The following TRPM3 variants were observed in gnomAD, a reference collection of about 807,000 sequenced individuals.
TRPM3 encodes the protein transient receptor potential cation channel subfamily M member 3.
A neutral mutation model predicts 181.2 loss-of-function variants in TRPM3; 77 were observed. The observed-to-expected ratio is 0.42, with a 90% CI of 0.35 to 0.51. The LOEUF (loss-of-function observed/expected upper bound fraction) is 0.51, where lower values mean the gene tolerates loss of function less well. Ranked by LOEUF, TRPM3 falls within the 20% of genes least tolerant of loss-of-function variation. TRPM3 has a pLI of 0.01. For synonymous variants in TRPM3, 745 were observed against 796.4 expected (o/e 0.94, Z 1.09); for missense variants, 1,759 against 2,196.7 (o/e 0.80, Z 3.98).
chr9:70,631,115 C>T (rs898757490), intron 12 of TRPM3, among the ~76,000 whole-genome samples: 2 of 152,132 alleles, frequency 1.3e-5, no homozygotes, highest in African/African-American at 2.4e-5. Flanking sequence ...AAAAGACTCC[C>T]CTGGGACAGC....
chr9:71,010,330 A>G (rs1244685831), intron 1 of TRPM3, among the ~76,000 whole-genome samples: 1 of 152,160 alleles, frequency 6.6e-6, no homozygotes, highest in African/African-American at 2.4e-5. Flanking sequence ...CAAACCATGC[A>G]TCGGACAAGG....
At chr9:70,674,307 C>T (rs1333356803) in intron 9 of TRPM3, among the ~76,000 whole-genome samples, 2 of 152,140 alleles carry the variant, frequency 1.3e-5, no homozygotes, top group African/African-American at 2.4e-5. Context: ...AATTATTGGA[C>T]ATAAACTACT....
At chr9:71,277,715 C>T (rs966218696) in intron 1 of TRPM3, among the ~76,000 whole-genome samples, 1 of 152,174 alleles carries the variant, frequency 6.6e-6, no homozygotes, top group Non-Finnish European at 1.5e-5. Context: ...TAATTTGACT[C>T]TTCTCATGGC....
At chr9:70,756,154 AAAAC>A (rs772119667) in intron 8 of TRPM3, among the ~76,000 whole-genome samples, 1 of 152,232 alleles carries the variant, frequency 6.6e-6, no homozygotes, top group East Asian at 1.9e-4. Context: ...AAACAAAACA[AAAAC>A]AAACAAAAAA....
Position 70,672,380 on chromosome 9 carries a change from T to G in TRPM3, c.1345+9126A>C, listed in dbSNP as rs55950373. On this transcript the variant is annotated intron_variant, in intron 9 of 25. Transcript: ENST00000677713. ...TCTGGTACTGCTCATGATCACTCTG[T>G]CTAACCTATGTACAGATTAGTGTCC... Among the ~76,000 whole-genome samples, 228 of 152,318 alleles carry G rather than the reference T, an allele frequency of 1.5e-3. 1 individual carries two copies. The highest frequency in any genetic ancestry group is 5.1e-3 in the African/African-American group (214 of 41,574).
At chr9:70,701,168 G>A (rs967953972) in intron 8 of TRPM3, among the ~76,000 whole-genome samples, 6 of 152,132 alleles carry the variant, frequency 3.9e-5, no homozygotes, top group Non-Finnish European at 7.4e-5. Flanking sequence ...GGATGAAAAC[G>A]TTTCTAAAAA....
At chr9:70,574,950 A>G (rs1347890870) in intron 22 of TRPM3, among the ~76,000 whole-genome samples, 1 of 146,998 alleles carries the variant, frequency 6.8e-6, no homozygotes, top group African/African-American at 2.5e-5. Context: ...TTTTTTTTAA[A>G]TTTTTTTTCC....
At position 71,371,623 on chromosome 9, in the gene TRPM3, T is replaced by C. The variant is rs1235582824; in HGVS notation, c.183+75030A>G. On this transcript the variant is annotated intron_variant, in intron 1 of 24. Coordinates refer to the TRPM3 transcript ENST00000357533. ...AGTGATTTCTTGAGATGGAATCTAC[T>C]CCTGGTGAAGATGCTTCACCAGGTG... Among the ~76,000 whole-genome samples, 4 of 152,184 alleles carry C rather than the reference T, an allele frequency of 2.6e-5. No individual in the cohort carries two copies. In the East Asian group the frequency reaches 7.7e-4, roughly 29 times the overall value.
Position 71,343,935 on chromosome 9 carries a change from T to C in TRPM3, c.183+102718A>G, listed in dbSNP as rs145468728. ...ATCATGAAGGGGCACCTACTGGCCA[T>C]ATCTGGGACAATTTGAGTATCAAAA... On this transcript the variant is annotated intron_variant, in intron 1 of 24. Coordinates refer to the TRPM3 transcript ENST00000357533. 4.6e-4 allele frequency among the ~76,000 whole-genome samples: 70 copies of C among 152,254 alleles called. 1 individual carries two copies. In the East Asian group the frequency reaches 9.6e-3, roughly 21 times the overall value.
intron 7 of TRPM3, among the ~76,000 whole-genome samples, chr9:70,769,394 T>C (rs2079772305): frequency 6.6e-6 from 1 of 152,102 alleles, no homozygotes; most frequent in Non-Finnish European, 1.5e-5. Context: ...AAACTTCACC[T>C]CCTTTTTCTT....
At chr9:70,675,919 T>C (rs2063904545) in intron 9 of TRPM3, among the ~76,000 whole-genome samples, 1 of 152,216 alleles carries the variant, frequency 6.6e-6, no homozygotes, top group Admixed American at 6.5e-5. Context: ...TATTTATCTC[T>C]TAACATTTTT....
At chr9:71,428,949 A>G (rs1429162682) in intron 1 of TRPM3, among the ~76,000 whole-genome samples, 3 of 8,720 alleles carry the variant, frequency 3.4e-4, no homozygotes, top group East Asian at 5.3e-3. Flanking sequence ...GTTTCAAAGG[A>G]AAAAAAAAAA....
chr9:71,309,392 C>T (rs928823482), intron 1 of TRPM3, among the ~76,000 whole-genome samples: 2 of 152,094 alleles, frequency 1.3e-5, no homozygotes, highest in African/African-American at 4.8e-5. Context: ...GATACCAATT[C>T]AATAGCTTGA....
At chr9:70,988,706 C>T (rs902650318) in intron 1 of TRPM3, among the ~76,000 whole-genome samples, 3 of 152,102 alleles carry the variant, frequency 2.0e-5, no homozygotes, top group Admixed American at 6.6e-5. Flanking sequence ...ACATGAGCCC[C>T]GTAAAAGTAG....
At position 70,537,119 on chromosome 9, in the gene TRPM3, C is replaced by T; in HGVS notation, c.3994G>A (p.Glu1332Lys). The change falls in exon 26 of 26, where the codon GAG becomes AAG. Residue 1332 changes from glutamate to lysine, a missense_variant. Transcript: ENST00000677713. ...KLQESIDPAG[E>K]ETMSPTSPTL... ...GGAGAAGTTGGGGACATGGTCTCCT[C>T]ACCTGCAGGGTCTATACTCTCTTGG... is the stretch of plus-strand genomic sequence containing the variant. 6.2e-7 allele frequency: 1 copy of T among 1,608,114 alleles called. No homozygotes were observed. Among genetic ancestry groups the T allele is most frequent in the Non-Finnish European group, 8.5e-7 (1 of 1,175,064 alleles).
chr9:70,784,128 C>T lies in TRPM3; in HGVS notation c.1125G>A (p.Gly375=). 1.9e-6 allele frequency: 3 copies of T among 1,613,484 alleles called. No individual in the cohort carries two copies. The highest frequency in any genetic ancestry group is 2.5e-6 in the Non-Finnish European group (3 of 1,179,702). ...ACCCGCCTTCTTCTGAGTATTTATG[C>T]CCAAAGGCCAGGATGTCCGATGCCC... The part of the protein sequence containing the change: ...SGRASDILAF[G]HKYSEEGGLI... Residue 375 remains glycine (G), a synonymous_variant, in exon 7 of 26, where the codon GGG becomes GGA. Coordinates refer to ENST00000677713, the MANE Select transcript of TRPM3 (RefSeq NM_001366145.2).
chr9:70,629,166 TTA>T (rs1589519576), intron 12 of TRPM3, among the ~76,000 whole-genome samples: 1 of 127,006 alleles, frequency 7.9e-6, no homozygotes, highest in East Asian at 2.4e-4. Context: ...TCAGAATGAT[TTA>T]TGTTTGGTCA....
At chr9:71,086,242 T>A (rs909687082) in intron 1 of TRPM3, among the ~76,000 whole-genome samples, 1 of 151,884 alleles carries the variant, frequency 6.6e-6, no homozygotes, top group African/African-American at 2.4e-5. Flanking sequence ...AACTAACTAT[T>A]GGGTCCTATG....
chr9:70,558,700 G>A (rs1483318613), intron 22 of TRPM3, among the ~76,000 whole-genome samples: 1 of 152,194 alleles, frequency 6.6e-6, no homozygotes, highest in South Asian at 2.1e-4. Context: ...CAAAGTTAAA[G>A]TGAAGAAAAC....
Sources: gnomAD v4.1 joint callset for allele counts (sites outside exome capture counted in the v4.1 genomes callset) on GRCh38, gnomAD v4.1.1 for gene constraint, MANE v1.5 for transcripts, NCBI Gene and HGNC (gene_info 2026-07-23, HGNC 2026-07-21) for gene names.